Variants in TET1 observed in about 807,000 individuals in gnomAD.
TET1 encodes the protein methylcytosine dioxygenase TET1.
Under a neutral mutation model 148.7 loss-of-function variants are expected in TET1, and 13 were observed. The ratio of observed to expected loss-of-function variants is 0.09; its 90% CI spans 0.06 to 0.14. TET1 has a LOEUF of 0.14. TET1 is among the 10% of genes least tolerant of loss of function. The probability of loss-of-function intolerance (pLI) is 1.00; values close to 1 mark genes in which losing one functional copy is unlikely to be tolerated. For missense variants in TET1, 2,182 were observed against 2,553.8 expected (o/e 0.85, Z 3.14); for synonymous variants, 907 against 937.2 (o/e 0.97, Z 0.59).
At chr10:68,679,520 C>T (rs562773841) in intron 8 of TET1, among the ~76,000 whole-genome samples, 162 of 152,232 alleles carry the variant, frequency 1.1e-3, no homozygotes, top group African/African-American at 3.6e-3. Context: ...TAGTAAAACA[C>T]GGTTACCCAG....
At chr10:68,640,802 T>C (rs1036400647) in intron 3 of TET1, among the ~76,000 whole-genome samples, 36 of 151,230 alleles carry the variant, frequency 2.4e-4, no homozygotes, top group East Asian at 5.8e-4. Context: ...CTGCCCGCCT[T>C]GGCCTCCCAA....
At chr10:68,669,194 C>A (rs937566770) in intron 7 of TET1, among the ~76,000 whole-genome samples, 2 of 152,024 alleles carry the variant, frequency 1.3e-5, no homozygotes, top group African/African-American at 4.8e-5. Context: ...ACAGTGAGCT[C>A]TGATTTTGCC....
Position 68,645,543 on chromosome 10 carries a change from A to G in TET1, c.2814A>G (p.Arg938=), listed in dbSNP as rs1424631058. The G allele has an allele frequency of 1.2e-6, 2 of 1,614,082 alleles. No homozygotes were observed. The highest frequency in any genetic ancestry group is 1.7e-6 in the Non-Finnish European group (2 of 1,180,040). ...NSCKAILYTV[R]KDLQDPNLQG... ...GCAAAGCTATCCTCTACACTGTAAG[A>G]AAAGACCTCCAAGACCCAAACTTAC... Residue 938 remains arginine (R), a synonymous_variant, in exon 4 of 12, where the codon AGA becomes AGG. Transcript: ENST00000373644.
chr10:68,654,204 T>A (rs2054986253), intron 6 of TET1, among the ~76,000 whole-genome samples: 1 of 148,630 alleles, frequency 6.7e-6, no homozygotes, highest in South Asian at 2.1e-4. Flanking sequence ...AAAAAAGAGC[T>A]AAGTAGGCAG....
At chr10:68,584,497 C>G (rs1350940357) in intron 2 of TET1, among the ~76,000 whole-genome samples, 6 of 151,616 alleles carry the variant, frequency 4.0e-5, no homozygotes, top group Non-Finnish European at 8.8e-5. Context: ...TCACTTGAGG[C>G]CAGAAGTTCG....
intron 3 of TET1, 22 bp from the exon 4 acceptor site, chr10:68,644,676 A>G (rs954012284): frequency 2.0e-6 from 3 of 1,530,042 alleles, no homozygotes; most frequent in Admixed American, 2.3e-5. Context: ...TAGATGACAT[A>G]AGTAATTTCT....
rs1301928183 is a variant in TET1 at position 68,652,561 on chromosome 10, G to A, written c.4428G>A (p.Gly1476=). ...IEIVVYTGKE[G]KSSHGCPIAK... is the part of the protein sequence containing the mutation. ...TAGTAGTGTACACCGGTAAAGAAGG[G>A]AAAAGCTCTCATGGGTGTCCAATTG... is the stretch of plus-strand genomic sequence containing the variant. The change falls in exon 6 of 12, where the codon GGG becomes GGA. Residue 1476 remains glycine (G), a synonymous_variant. Coordinates refer to ENST00000373644, the MANE Select transcript of TET1 (RefSeq NM_030625.3). The A allele has an allele frequency of 6.2e-7, 1 of 1,612,540 alleles. No homozygotes were observed. The highest frequency in any genetic ancestry group is 1.1e-5 in the South Asian group (1 of 90,770).
chr10:68,580,801 AAAAAAT>A (rs1400682950), intron 2 of TET1, among the ~76,000 whole-genome samples: 18 of 125,450 alleles, frequency 1.4e-4, no homozygotes, highest in African/African-American at 4.6e-4. Context: ...AAAAAAAAAA[AAAAAAT>A]ATATATATAT....
chr10:68,674,509 G>T, intron 8 of TET1: 2 of 468,366 alleles, frequency 4.3e-6, no homozygotes, highest in South Asian at 4.1e-5. Context: ...CTCAAGGGTC[G>T]TGTATTTGAA....
chr10:68,617,298 A>G (rs902487558), intron 3 of TET1, among the ~76,000 whole-genome samples: 2 of 151,780 alleles, frequency 1.3e-5, no homozygotes, highest in Non-Finnish European at 2.9e-5. Flanking sequence ...TGCTAGGATT[A>G]CAGGCGTTAG....
intron 3 of TET1, among the ~76,000 whole-genome samples, chr10:68,629,220 C>T (rs1474638485): frequency 6.6e-6 from 1 of 152,096 alleles, no homozygotes; most frequent in East Asian, 1.9e-4. Flanking sequence ...TGAAAATTAT[C>T]TGGGTGTGGT....
At chr10:68,669,474 C>CTTTTTTTTTTTTTTTTTTTTTTTT (rs3085667) in intron 7 of TET1, among the ~76,000 whole-genome samples, 154 of 61,412 alleles carry the variant, frequency 2.5e-3, no homozygotes, top group Middle Eastern at 0.013. Context: ...CCATGCCCAG[C>CTTTTTTTTTTTTTTTTTTTTTTTT]TTTTTTTTTT....
intron 1 of TET1, among the ~76,000 whole-genome samples, chr10:68,569,523 A>G (rs2053643728): frequency 6.6e-6 from 1 of 152,066 alleles, no homozygotes; most frequent in South Asian, 2.1e-4. Flanking sequence ...AACCAGCTTT[A>G]CTGTCAAACA....
At position 68,692,133 on chromosome 10, in the gene TET1, G is replaced by T. The variant is rs1305018018; in HGVS notation, c.*319G>T. ...ATTAAGTCTGTTTACTATGAAACAAGAGTCATTTTTAGAGGATTTTAACAG... is the reference window on the plus strand; with the variant it reads ...ATTAAGTCTGTTTACTATGAAACAATAGTCATTTTTAGAGGATTTTAACAG... On this transcript the variant is annotated 3_prime_UTR_variant, in exon 12 of 12. Transcript: ENST00000373644. 1.6e-5 allele frequency: 5 copies of T among 314,474 alleles called. No homozygotes were observed. The highest frequency in any genetic ancestry group is 1.1e-4 in the African/African-American group (5 of 47,418). The allele number at this position is 314,474 out of a possible 1,614,324, so 19.5% of individuals were successfully genotyped here.
chr10:68,574,060 T>G lies in TET1; in HGVS notation c.1722T>G (p.Ser574=). ...TGCCAATGGTCAGTACCTCCTCTTC[T>G]TCCTATACCACTTTGCTACCGACTT... is the stretch of plus-strand genomic sequence containing the variant. ...MPVPMVSTSS[S]SYTTLLPTLE... Residue 574 remains serine (S), a synonymous_variant, in exon 2 of 12, where the codon TCT becomes TCG. Coordinates refer to ENST00000373644, the MANE Select transcript of TET1 (RefSeq NM_030625.3). 2 of 1,614,148 alleles carry G rather than the reference T, an allele frequency of 1.2e-6. No homozygotes were observed. The highest frequency in any genetic ancestry group is 8.5e-7 in the Non-Finnish European group (1 of 1,180,028).
At chr10:68,580,038 C>T (rs2053774835) in intron 2 of TET1, among the ~76,000 whole-genome samples, 2 of 151,926 alleles carry the variant, frequency 1.3e-5, no homozygotes, top group East Asian at 1.9e-4. Flanking sequence ...AAGTCATTCT[C>T]CTGCCTCAGC....
At chr10:68,566,641 G>A (rs1331249133) in intron 1 of TET1, among the ~76,000 whole-genome samples, 1 of 152,080 alleles carries the variant, frequency 6.6e-6, no homozygotes, top group East Asian at 1.9e-4. Context: ...TATTTTAAAA[G>A]TCTTAAAGAC....
At chr10:68,611,674 CTTTCTTTTCTTTTCT>C (rs376782312) in intron 3 of TET1, among the ~76,000 whole-genome samples, 1 of 148,736 alleles carries the variant, frequency 6.7e-6, no homozygotes, top group Non-Finnish European at 1.5e-5. Flanking sequence ...CTTTTCTTTT[CTTTCTTTTCTTTTCT>C]TTTCTTTTCT....
chr10:68,597,849 G>A (rs928413418), intron 2 of TET1, among the ~76,000 whole-genome samples: 4 of 152,096 alleles, frequency 2.6e-5, no homozygotes, highest in African/African-American at 7.2e-5. Flanking sequence ...AAAGAGAAAC[G>A]AAAAGAAAAA....
Sources: gnomAD v4.1 joint callset for allele counts (sites outside exome capture counted in the v4.1 genomes callset) on GRCh38, gnomAD v4.1.1 for gene constraint, MANE v1.5 for transcripts, NCBI Gene and HGNC (gene_info 2026-07-23, HGNC 2026-07-21) for gene names.